PIGF: variants seen among roughly 807,000 people sequenced by gnomAD.
PIGF encodes phosphatidylinositol glycan anchor biosynthesis class F.
Under a neutral mutation model 26.0 loss-of-function variants are expected in PIGF, and 23 were observed. The ratio of observed to expected loss-of-function variants is 0.88; its 90% CI spans 0.64 to 1.25. The LOEUF (loss-of-function observed/expected upper bound fraction) is 1.25, where lower values mean the gene tolerates loss of function less well. PIGF is among the 50% of genes most tolerant of loss of function. The pLI is 0.00. For synonymous variants in PIGF, 93 were observed against 92.6 expected, an observed-to-expected ratio of 1.00 and a Z score of -0.03; for missense variants, 278 against 249.9, an observed-to-expected ratio of 1.11 and a Z score of -0.76.
intron 1 of PIGF, chr2:46,615,846 C>T (rs1196091728): frequency 1.3e-5 from 2 of 151,812 alleles, no homozygotes; most frequent in East Asian, 3.9e-4. Context: ...AAATTCCAAC[C>T]AAAAGTAGAG....
At chr2:46,594,930 A>T (rs2104088149) in intron 4 of PIGF, among the ~76,000 whole-genome samples, 1 of 151,112 alleles carries the variant, frequency 6.6e-6, no homozygotes, top group African/African-American at 2.4e-5. Flanking sequence ...GGCTCACTGC[A>T]ACGTCCGCCT....
At chr2:46,587,987 T>C in intron 5 of PIGF, 2 of 1,121,960 alleles carry the variant, frequency 1.8e-6, no homozygotes, top group Admixed American at 3.8e-5. Flanking sequence ...AGTCTCCCTC[T>C]TCCCACCTGA....
chr2:46,611,639 T>G (rs1423528111), intron 4 of PIGF, among the ~76,000 whole-genome samples: 1 of 152,200 alleles, frequency 6.6e-6, no homozygotes, highest in Admixed American at 6.5e-5. Flanking sequence ...CTTAGCTAGA[T>G]CTCCACTATT....
intron 5 of PIGF, chr2:46,591,554 T>C (rs1484307500): frequency 7.5e-6 from 7 of 935,820 alleles, no homozygotes; most frequent in Non-Finnish European, 8.9e-6. Context: ...ATTAGAAAAA[T>C]TCAAGAAGCT....
Position 46,610,526 on chromosome 2 carries a change from C to CTTT in PIGF, c.437+1699_437+1701dup, listed in dbSNP as rs10690699. 4.1e-3 allele frequency among the ~76,000 whole-genome samples: 455 copies of CTTT among 110,240 alleles called. 13 individuals carry two copies. Among genetic ancestry groups the CTTT allele is most frequent in the African/African-American group, 9.0e-3 (247 of 27,464 alleles). 72.3% of individuals were successfully genotyped at this position (110,240 alleles called of 152,430 possible). On this transcript the variant is annotated intron_variant, in intron 4 of 5. Coordinates refer to ENST00000281382, the MANE Select transcript of PIGF (RefSeq NM_002643.4). ...TTCCAAGGGAAAACAGTACTGATTC[C>CTTT]TTTTTTTTTTTTTTTTTTTTTGAGA...
chr2:46,595,988 G>T (rs192133501), intron 4 of PIGF, among the ~76,000 whole-genome samples: 2 of 152,222 alleles, frequency 1.3e-5, no homozygotes, highest in African/African-American at 4.8e-5. Flanking sequence ...GCAGAGGCGG[G>T]CGGATCACAA....
At chr2:46,612,462 A>G (rs1165956822) in intron 3 of PIGF, 118 bp from the exon 4 acceptor site, 1 of 400,038 alleles carries the variant, frequency 2.5e-6, no homozygotes, top group African/African-American at 2.1e-5. Context: ...TTGAAAGGTA[A>G]CATGAATGCC....
At position 46,589,739 on chromosome 2, in the gene PIGF, C is replaced by A. The variant is rs1274149056; in HGVS notation, c.546+2736G>T. On this transcript the variant is annotated intron_variant, in intron 5 of 5. Coordinates refer to ENST00000281382, the MANE Select transcript of PIGF (RefSeq NM_002643.4). This position sits in a 1 kb window ranked among gnomAD's most constrained non-coding sequence, Gnocchi z 4.7. The stretch of plus-strand genomic sequence containing the variant: ...TCATGAAATTTTGCTCTAACAACAT[C>A]TCCACTTTTAGAAAATGCCATATTC... 6.6e-6 allele frequency among the ~76,000 whole-genome samples: 1 copy of A among 151,946 alleles called. No individual in the cohort carries two copies. The highest frequency in any genetic ancestry group is 1.5e-5 in the Non-Finnish European group (1 of 67,922).
chr2:46,585,333 G>A (rs1219854296), intron 5 of PIGF, among the ~76,000 whole-genome samples: 1 of 152,132 alleles, frequency 6.6e-6, no homozygotes, highest in Non-Finnish European at 1.5e-5. Flanking sequence ...TTTTTAGCCA[G>A]TAAATAGAAG....
intron 4 of PIGF, among the ~76,000 whole-genome samples, chr2:46,599,320 G>C (rs1572776459): frequency 6.6e-6 from 1 of 152,198 alleles, no homozygotes; most frequent in Non-Finnish European, 1.5e-5. Context: ...GATATAGTGA[G>C]TCCCTTTGAT....
intron 4 of PIGF, among the ~76,000 whole-genome samples, chr2:46,605,121 G>C (rs183395515): frequency 2.0e-5 from 3 of 151,920 alleles, no homozygotes; most frequent in Non-Finnish European, 4.4e-5. Flanking sequence ...CAAAACCATA[G>C]ATCTTTGAGT....
chr2:46,587,798 C>A (rs1669623429), intron 5 of PIGF, among the ~76,000 whole-genome samples: 1 of 152,084 alleles, frequency 6.6e-6, no homozygotes, highest in Non-Finnish European at 1.5e-5. Flanking sequence ...AATACAGACA[C>A]CACCACAACG....
At chr2:46,584,276 C>T (rs934659931) in intron 5 of PIGF, among the ~76,000 whole-genome samples, 1 of 151,976 alleles carries the variant, frequency 6.6e-6, no homozygotes, top group African/African-American at 2.4e-5. Flanking sequence ...ATTTATTACC[C>T]TATGTAAACA....
intron 5 of PIGF, among the ~76,000 whole-genome samples, chr2:46,585,693 G>A (rs758559407): frequency 2.0e-5 from 3 of 152,132 alleles, no homozygotes; most frequent in Non-Finnish European, 2.9e-5. Flanking sequence ...AAGTAGAACC[G>A]GCAGTTTAGA....
At chr2:46,599,361 A>C (rs1041449619) in intron 4 of PIGF, among the ~76,000 whole-genome samples, 4 of 152,264 alleles carry the variant, frequency 2.6e-5, no homozygotes, top group African/African-American at 9.6e-5. Flanking sequence ...TCATTTGTGA[A>C]AACTGTCTTC....
intron 4 of PIGF, among the ~76,000 whole-genome samples, chr2:46,597,493 A>G (rs1003327629): frequency 6.6e-6 from 1 of 151,958 alleles, no homozygotes; most frequent in African/African-American, 2.4e-5. Context: ...GCTTACTGCA[A>G]CGTCTGCCTC....
chr2:46,600,688 T>G (rs752773172), intron 4 of PIGF, among the ~76,000 whole-genome samples: 9 of 152,160 alleles, frequency 5.9e-5, no homozygotes, highest in Non-Finnish European at 1.5e-5. Context: ...ACCATGACTA[T>G]CTGTGTCTAG....
chr2:46,613,641 T>A, intron 3 of PIGF, 53 bp downstream of exon 3: 2 of 1,331,334 alleles, frequency 1.5e-6, no homozygotes, highest in Non-Finnish European at 2.0e-6. Flanking sequence ...AGCACACAGT[T>A]TGGTAAATGA....
chr2:46,611,973 T>G (rs1217361301), intron 4 of PIGF, among the ~76,000 whole-genome samples: 1 of 146,760 alleles, frequency 6.8e-6, no homozygotes, highest in African/African-American at 2.5e-5. Flanking sequence ...TTTTTTTTTT[T>G]AAACAAACAA....
Sources: allele counts gnomAD v4.1 joint callset (sites outside exome capture counted in the v4.1 genomes callset), GRCh38; gene constraint gnomAD v4.1.1; non-coding constraint Gnocchi (gnomAD v3.1); transcripts MANE v1.5; gene names NCBI Gene and HGNC (gene_info 2026-07-23, HGNC 2026-07-21).